EYA1: variants seen among roughly 807,000 people sequenced by gnomAD.
EYA1 encodes EYA transcriptional coactivator and phosphatase 1, also known as protein phosphatase EYA1.
In EYA1, 16 loss-of-function variants were observed where a neutral mutation model predicts 82.0. The observed-to-expected ratio is 0.20, with a 90% CI of 0.13 to 0.30. The LOEUF (loss-of-function observed/expected upper bound fraction) is 0.30, where lower values mean the gene tolerates loss of function less well. Among genes scored for constraint, EYA1 ranks in the 10% least tolerant of loss-of-function variants. EYA1 has a pLI of 1.00. For synonymous variants in EYA1, 261 were observed against 264.4 expected (o/e 0.99, Z 0.12); for missense variants, 633 against 730.7 (o/e 0.87, Z 1.54).
intron 16 of EYA1, among the ~76,000 whole-genome samples, chr8:71,212,785 A>G (rs1808678692): frequency 6.6e-6 from 1 of 152,344 alleles, no homozygotes; most frequent in South Asian, 2.1e-4. Context: ...TTTGCCTACA[A>G]TAAAAATTAC....
At chr8:71,258,212 C>T (rs1814672617) in intron 11 of EYA1, among the ~76,000 whole-genome samples, 1 of 152,214 alleles carries the variant, frequency 6.6e-6, no homozygotes, top group Non-Finnish European at 1.5e-5. Context: ...GCACCTACAA[C>T]ATTACTGTTT....
intron 17 of EYA1, among the ~76,000 whole-genome samples, chr8:71,209,987 A>T (rs1401953333): frequency 6.6e-6 from 1 of 152,218 alleles, no homozygotes; most frequent in Admixed American, 6.5e-5. Flanking sequence ...TTTGTTGTAC[A>T]CTTTACACAT....
chr8:71,331,275 C>T (rs922176939), intron 4 of EYA1, among the ~76,000 whole-genome samples: 2 of 118,654 alleles, frequency 1.7e-5, no homozygotes, highest in Non-Finnish European at 1.8e-5. Flanking sequence ...CACACACACA[C>T]ACACACACAC....
intron 2 of EYA1, among the ~76,000 whole-genome samples, chr8:71,475,537 C>T (rs1254708508): frequency 6.6e-6 from 1 of 152,112 alleles, no homozygotes; most frequent in Non-Finnish European, 1.5e-5. Flanking sequence ...GGCAGTAAAT[C>T]ATAGTGAACA....
At chr8:71,473,928 T>A (rs1468313435) in intron 2 of EYA1, among the ~76,000 whole-genome samples, 2 of 151,958 alleles carry the variant, frequency 1.3e-5, no homozygotes, top group Non-Finnish European at 2.9e-5. Context: ...AAACCATCAT[T>A]CTCAGCAAAC....
chr8:71,390,504 C>A (rs895721257), intron 2 of EYA1, among the ~76,000 whole-genome samples: 68 of 152,090 alleles, frequency 4.5e-4, no homozygotes, highest in African/African-American at 1.6e-3. Context: ...CTCAAGCAAT[C>A]CTCCCACCTG....
intron 2 of EYA1, among the ~76,000 whole-genome samples, chr8:71,402,330 G>A (rs537613923): frequency 3.3e-5 from 5 of 152,102 alleles, no homozygotes; most frequent in Non-Finnish European, 7.4e-5. Flanking sequence ...AACGGGGCAT[G>A]AGAGCTACCC....
intron 2 of EYA1, among the ~76,000 whole-genome samples, chr8:71,477,605 C>T (rs192117006): frequency 1.9e-4 from 29 of 151,714 alleles, no homozygotes; most frequent in Admixed American, 1.9e-3. Flanking sequence ...AAATTAGGCA[C>T]CCTCATGTAT....
intron 3 of EYA1, among the ~76,000 whole-genome samples, chr8:71,339,172 A>C (rs1375497847): frequency 6.6e-6 from 1 of 151,990 alleles, no homozygotes; most frequent in Non-Finnish European, 1.5e-5. Context: ...CATCTTTCCA[A>C]ATCCCTATCT....
chr8:71,521,711 G>A (rs1266561695), intron 2 of EYA1, among the ~76,000 whole-genome samples: 1 of 152,050 alleles, frequency 6.6e-6, no homozygotes, highest in East Asian at 1.9e-4. Context: ...AATGTTAAGT[G>A]AATTGCTTTA....
chr8:71,521,942 A>C (rs1034321849), intron 2 of EYA1, among the ~76,000 whole-genome samples: 2 of 152,196 alleles, frequency 1.3e-5, no homozygotes, highest in Non-Finnish European at 2.9e-5. Flanking sequence ...TCCTTGAGTT[A>C]ATTTATGACA....
At chr8:71,403,845 A>C (rs990793241) in intron 2 of EYA1, 9 of 152,244 alleles carry the variant, frequency 5.9e-5, no homozygotes, top group African/African-American at 2.2e-4. Context: ...AAAAGTATAC[A>C]TCCCAAGCTG....
intron 7 of EYA1, among the ~76,000 whole-genome samples, chr8:71,300,507 C>T (rs572846775): frequency 2.6e-4 from 40 of 152,162 alleles, no homozygotes; most frequent in South Asian, 2.1e-3. Flanking sequence ...ATATAAAAAA[C>T]GGCATTCATA....
intron 2 of EYA1, among the ~76,000 whole-genome samples, chr8:71,460,605 G>A (rs1293065259): frequency 6.6e-6 from 1 of 152,216 alleles, no homozygotes; most frequent in Non-Finnish European, 1.5e-5. Context: ...GAAGTGGTGG[G>A]AAGGAGCAGG....
chr8:71,366,065 GTTGA>G (rs999329961), upstream of EYA1, among the ~76,000 whole-genome samples: 3 of 151,952 alleles, frequency 2.0e-5, 1 homozygote, highest in Middle Eastern at 6.4e-3. Context: ...TAAAGAGCAC[GTTGA>G]TTATTATATA....
At chr8:71,480,496 C>T (rs1298709503) in intron 2 of EYA1, among the ~76,000 whole-genome samples, 1 of 152,020 alleles carries the variant, frequency 6.6e-6, no homozygotes, top group African/African-American at 2.4e-5. Flanking sequence ...CAACAAAATT[C>T]CACTGATTGG....
chr8:71,264,874 T>C (rs886304020), intron 11 of EYA1, among the ~76,000 whole-genome samples: 51 of 152,140 alleles, frequency 3.4e-4, no homozygotes, highest in African/African-American at 1.2e-3. Flanking sequence ...TAAACCACCA[T>C]GCTGGGCCAA....
chr8:71,337,755 C>T (rs1378362253), intron 3 of EYA1, among the ~76,000 whole-genome samples: 1 of 152,204 alleles, frequency 6.6e-6, no homozygotes, highest in Non-Finnish European at 1.5e-5. Context: ...TTAAAAGTAG[C>T]AGTAGCAATA....
intron 2 of EYA1, among the ~76,000 whole-genome samples, chr8:71,507,058 A>C (rs1379023539): frequency 6.6e-6 from 1 of 152,216 alleles, no homozygotes; most frequent in African/African-American, 2.4e-5. Flanking sequence ...ACTCTATATC[A>C]ACTCCACTAA....
Sources: gnomAD v4.1 joint callset for allele counts (sites outside exome capture counted in the v4.1 genomes callset) on GRCh38, gnomAD v4.1.1 for gene constraint, MANE v1.5 for transcripts, NCBI Gene and HGNC (gene_info 2026-07-23, HGNC 2026-07-21) for gene names.